C8orf34: variants seen among roughly 807,000 people sequenced by gnomAD.
C8orf34 encodes chromosome 8 open reading frame 34.
A neutral mutation model predicts 68.3 loss-of-function variants in C8orf34; 65 were observed. That is an observed-to-expected ratio of 0.95 (90% CI 0.78 to 1.17). The LOEUF is 1.17. Among genes scored for constraint, C8orf34 ranks in the 50% most tolerant of loss-of-function variants. C8orf34 has a pLI of 0.00. For synonymous variants in C8orf34, 244 were observed against 241.2 expected (o/e 1.01, Z -0.11); for missense variants, 664 against 655.4 (o/e 1.01, Z -0.14).
chr8:68,687,758 T>A (rs1474970706), intron 8 of C8orf34, among the ~76,000 whole-genome samples: 1 of 151,620 alleles, frequency 6.6e-6, no homozygotes, highest in African/African-American at 2.4e-5. Flanking sequence ...CAAAAATAAA[T>A]AAATAGGACC....
chr8:68,570,968 A>G (rs981668069), intron 7 of C8orf34, among the ~76,000 whole-genome samples: 9 of 152,210 alleles, frequency 5.9e-5, no homozygotes, highest in Non-Finnish European at 1.0e-4. Context: ...AGTGTCCTCT[A>G]TTAAAGAAAA....
chr8:68,737,786 C>T (rs1306437775), intron 10 of C8orf34, among the ~76,000 whole-genome samples: 2 of 152,038 alleles, frequency 1.3e-5, no homozygotes, highest in Non-Finnish European at 2.9e-5. Flanking sequence ...TTCTGAGAGA[C>T]CTTCAAAGCA....
intron 1 of C8orf34, among the ~76,000 whole-genome samples, chr8:68,378,185 G>A (rs118143542): frequency 0.039 from 5,948 of 152,250 alleles, 169 homozygotes; most frequent in Admixed American, 0.054. Context: ...TTCAAGAAAT[G>A]TATATTGAAA....
intron 6 of C8orf34, among the ~76,000 whole-genome samples, chr8:68,522,317 T>C (rs558657357): frequency 1.3e-5 from 2 of 152,300 alleles, no homozygotes; most frequent in East Asian, 3.9e-4. Context: ...GAGGGACTTC[T>C]GATGTACCAG....
At chr8:68,507,994 C>A (rs889984609) in intron 5 of C8orf34, among the ~76,000 whole-genome samples, 1 of 152,114 alleles carries the variant, frequency 6.6e-6, no homozygotes, top group African/African-American at 2.4e-5. Context: ...CATCCTTGAT[C>A]TCTTCTTTAC....
intron 1 of C8orf34, among the ~76,000 whole-genome samples, chr8:68,372,555 T>G (rs1807605195): frequency 1.3e-5 from 2 of 152,166 alleles, no homozygotes; most frequent in Admixed American, 1.3e-4. Flanking sequence ...AGTAAGTCCC[T>G]CCTCTCCTCT....
intron 1 of C8orf34, among the ~76,000 whole-genome samples, chr8:68,389,559 G>A (rs1479250719): frequency 6.6e-6 from 1 of 152,080 alleles, no homozygotes; most frequent in Non-Finnish European, 1.5e-5. Context: ...TATCCACATG[G>A]TACATTAGCC....
chr8:68,448,839 G>A (rs1026926898), intron 3 of C8orf34, among the ~76,000 whole-genome samples: 2 of 151,864 alleles, frequency 1.3e-5, no homozygotes, highest in African/African-American at 4.8e-5. Flanking sequence ...CCAACAAAAA[G>A]AAGCCTATAT....
At chr8:68,740,500 T>G (rs964079612) in intron 10 of C8orf34, among the ~76,000 whole-genome samples, 3 of 152,160 alleles carry the variant, frequency 2.0e-5, no homozygotes, top group African/African-American at 7.2e-5. Context: ...TCAATATGAC[T>G]GATCATTAGA....
chr8:68,393,783 G>A (rs574048654), intron 1 of C8orf34, among the ~76,000 whole-genome samples: 2 of 152,220 alleles, frequency 1.3e-5, no homozygotes, highest in African/African-American at 4.8e-5. Context: ...GCTTTGAACA[G>A]GGGAGTGAAA....
intron 1 of C8orf34, among the ~76,000 whole-genome samples, chr8:68,414,128 G>A (rs1368467084): frequency 1.3e-5 from 2 of 152,154 alleles, no homozygotes; most frequent in Admixed American, 1.3e-4. Flanking sequence ...CACCCCCTCA[G>A]AGATGCTATC....
intron 12 of C8orf34, among the ~76,000 whole-genome samples, chr8:68,809,839 T>C (rs1483607662): frequency 6.6e-6 from 1 of 152,148 alleles, no homozygotes; most frequent in African/African-American, 2.4e-5. Flanking sequence ...AGTCTGAGGA[T>C]AGATATGGTG....
chr8:68,548,623 A>T (rs984553245), intron 7 of C8orf34, among the ~76,000 whole-genome samples: 19 of 151,822 alleles, frequency 1.3e-4, no homozygotes, highest in African/African-American at 4.3e-4. Context: ...TGTGTTTAGC[A>T]GTGTCTCATA....
intron 7 of C8orf34, among the ~76,000 whole-genome samples, chr8:68,629,956 A>T (rs1274094848): frequency 2.0e-5 from 3 of 152,126 alleles, no homozygotes; most frequent in Non-Finnish European, 4.4e-5. Context: ...TATTCTTTTG[A>T]ATAGAATCAA....
At chr8:68,730,191 T>A (rs1171606749) in intron 10 of C8orf34, among the ~76,000 whole-genome samples, 1 of 152,192 alleles carries the variant, frequency 6.6e-6, no homozygotes, top group Non-Finnish European at 1.5e-5. Context: ...CAAATAGAAG[T>A]AATAAATTAT....
intron 10 of C8orf34, among the ~76,000 whole-genome samples, chr8:68,761,454 C>CTTATAGATGAAAG (rs1351889543): frequency 5.3e-5 from 8 of 152,306 alleles, no homozygotes; most frequent in African/African-American, 7.2e-5. Flanking sequence ...CTCCCTGAAA[C>CTTATAGATGAAAG]TTTCATCTAT....
intron 12 of C8orf34, 109 bp downstream of exon 12, chr8:68,787,645 T>A (rs1823882617): frequency 7.9e-6 from 5 of 633,436 alleles, no homozygotes; most frequent in South Asian, 2.4e-5. Flanking sequence ...AAAAAAAAAA[T>A]CCAGACTCTG....
intron 8 of C8orf34, among the ~76,000 whole-genome samples, chr8:68,654,324 A>G (rs1358851147): frequency 6.6e-6 from 1 of 152,212 alleles, no homozygotes; most frequent in Non-Finnish European, 1.5e-5. Context: ...GTATTTTGTT[A>G]TAGGGCAGCC....
chr8:68,723,989 C>G (rs1157419467), intron 10 of C8orf34, among the ~76,000 whole-genome samples: 1 of 151,944 alleles, frequency 6.6e-6, no homozygotes, highest in Non-Finnish European at 1.5e-5. Flanking sequence ...TATCCAATTC[C>G]AGTTAATATC....
Sources: gnomAD v4.1 joint callset for allele counts (sites outside exome capture counted in the v4.1 genomes callset) on GRCh38, gnomAD v4.1.1 for gene constraint, MANE v1.5 for transcripts, NCBI Gene and HGNC (gene_info 2026-07-23, HGNC 2026-07-21) for gene names.